The following POU6F2 variants were observed in gnomAD, a reference collection of about 807,000 sequenced individuals.
POU6F2 encodes the protein POU class 6 homeobox 2.
In POU6F2, 31 loss-of-function variants were observed where a neutral mutation model predicts 71.3. The observed-to-expected ratio is 0.43, with a 90% CI of 0.33 to 0.59. POU6F2 has a LOEUF of 0.59. Ranked by LOEUF, POU6F2 falls within the 20% of genes least tolerant of loss-of-function variation. The probability of loss-of-function intolerance (pLI) is 0.04; values close to 1 mark genes in which losing one functional copy is unlikely to be tolerated. For missense variants in POU6F2, 783 were observed against 856.8 expected (o/e 0.91, Z 1.07); for synonymous variants, 347 against 355.7 (o/e 0.98, Z 0.27).
At chr7:39,446,499 G>C (rs1788526932) in intron 7 of POU6F2, among the ~76,000 whole-genome samples, 1 of 152,146 alleles carries the variant, frequency 6.6e-6, no homozygotes, top group Non-Finnish European at 1.5e-5. Context: ...ATTTATTCCA[G>C]AAACTAAAAC....
intron 2 of POU6F2, among the ~76,000 whole-genome samples, chr7:39,108,795 G>A (rs1342076917): frequency 6.6e-6 from 1 of 152,162 alleles, no homozygotes; most frequent in Non-Finnish European, 1.5e-5. Flanking sequence ...AGAAGTTTGT[G>A]TATGGAGTAT....
intron 7 of POU6F2, among the ~76,000 whole-genome samples, chr7:39,444,415 C>T (rs1320660740): frequency 1.3e-5 from 2 of 152,202 alleles, no homozygotes; most frequent in Admixed American, 1.3e-4. Context: ...GAAACCCCGT[C>T]TCTACTAAAA....
At chr7:38,984,604 T>A (rs1220911342) in intron 1 of POU6F2, among the ~76,000 whole-genome samples, 1 of 152,154 alleles carries the variant, frequency 6.6e-6, no homozygotes, top group Non-Finnish European at 1.5e-5. Context: ...AAACAAAGTC[T>A]AAGAAAAGGC....
At chr7:39,293,288 G>T (rs938703111) in intron 4 of POU6F2, among the ~76,000 whole-genome samples, 3 of 152,092 alleles carry the variant, frequency 2.0e-5, no homozygotes, top group African/African-American at 7.2e-5. Context: ...GTGTTTCCGG[G>T]CTGTGTGTTC....
intron 2 of POU6F2, among the ~76,000 whole-genome samples, chr7:39,100,343 CATGTT>C (rs1397848542): frequency 5.9e-5 from 9 of 152,294 alleles, no homozygotes; most frequent in African/African-American, 2.2e-4. Context: ...TGGGAAGAAA[CATGTT>C]ATAACCTTTG....
At chr7:39,123,206 C>T (rs948021305) in intron 2 of POU6F2, among the ~76,000 whole-genome samples, 2 of 152,170 alleles carry the variant, frequency 1.3e-5, no homozygotes, top group African/African-American at 2.4e-5. Context: ...AATGAATTTT[C>T]GAGGCCATGG....
chr7:39,327,684 C>T (rs1436656759), intron 4 of POU6F2, among the ~76,000 whole-genome samples: 1 of 151,294 alleles, frequency 6.6e-6, no homozygotes, highest in African/African-American at 2.4e-5. Flanking sequence ...ATATATAAAT[C>T]ATATATATAT....
At position 39,441,297 on chromosome 7, in the gene POU6F2, T is replaced by C. The variant is rs77226580; in HGVS notation, c.1320+8014T>C. Among the ~76,000 whole-genome samples the C allele has an allele frequency of 6.4e-3, 968 of 151,990 alleles. 5 individuals carry two copies. The highest frequency in any genetic ancestry group is 0.022 in the African/African-American group (926 of 41,444). ...GGTTGAACTGAAGTAAACCATCTAC[T>C]GTGAGCAAACCATTTAGGAGTCTAT... On this transcript the variant is annotated intron_variant, in intron 7 of 9. Coordinates refer to ENST00000518318, the MANE Select transcript of POU6F2 (RefSeq NM_001370959.1).
intron 7 of POU6F2, among the ~76,000 whole-genome samples, chr7:39,438,480 T>C (rs10239968): frequency 0.34 from 51,219 of 152,062 alleles, 9,639 homozygotes; most frequent in East Asian, 0.58. Context: ...ATGGCTGGGC[T>C]GAAATGCAAA....
chr7:39,077,320 A>C (rs1233113444), intron 1 of POU6F2, among the ~76,000 whole-genome samples: 1 of 133,446 alleles, frequency 7.5e-6, no homozygotes, highest in African/African-American at 2.8e-5. Flanking sequence ...CTAGGGCCAA[A>C]GAAGCTTGTA....
chr7:39,036,875 A>G (rs201911162), intron 1 of POU6F2, among the ~76,000 whole-genome samples: 1 of 2,074 alleles, frequency 4.8e-4, no homozygotes, highest in Admixed American at 6.8e-3. Context: ...AGTACCTGTT[A>G]TTATTATTAT....
chr7:39,146,244 G>A (rs892124206), intron 2 of POU6F2, among the ~76,000 whole-genome samples: 1 of 152,174 alleles, frequency 6.6e-6, no homozygotes, highest in African/African-American at 2.4e-5. Flanking sequence ...TGGTAGTGGT[G>A]GGAGAATGTT....
At chr7:39,248,773 C>T (rs1267837218) in intron 4 of POU6F2, among the ~76,000 whole-genome samples, 1 of 152,182 alleles carries the variant, frequency 6.6e-6, no homozygotes, top group Non-Finnish European at 1.5e-5. Context: ...CTACTTGCCC[C>T]ATTGTCCCAG....
At chr7:39,248,128 G>T (rs925482911) in intron 4 of POU6F2, among the ~76,000 whole-genome samples, 5 of 152,106 alleles carry the variant, frequency 3.3e-5, no homozygotes, top group Non-Finnish European at 2.9e-5. Flanking sequence ...AAGCACAGTG[G>T]CATTACTACT....
At chr7:39,016,071 A>AT (rs1216078611) in intron 1 of POU6F2, among the ~76,000 whole-genome samples, 1 of 53,206 alleles carries the variant, frequency 1.9e-5, no homozygotes, top group African/African-American at 5.7e-5. Context: ...TATAATATAT[A>AT]GATATATATT....
In POU6F2 at chr7:39,467,749, A is replaced by G. The variant is rs748662697; in HGVS notation, c.*3063A>G. 9.2e-5 allele frequency: 14 copies of G among 152,362 alleles called. No individual in the cohort carries two copies. Among genetic ancestry groups the G allele is most frequent in the Non-Finnish European group, 1.9e-4 (13 of 68,042 alleles). 9.4% of individuals were successfully genotyped at this position (152,362 alleles called of 1,614,324 possible). On this transcript the variant is annotated 3_prime_UTR_variant, in exon 10 of 10. Coordinates refer to ENST00000518318, the MANE Select transcript of POU6F2 (RefSeq NM_001370959.1). ...ATACAACACAAAAGAGAGAACAAAA[A>G]AGCAAAAGGAGCTAGGAAAAAAACA...
intron 2 of POU6F2, among the ~76,000 whole-genome samples, chr7:39,097,431 C>T (rs2128722941): frequency 6.6e-6 from 1 of 152,268 alleles, no homozygotes; most frequent in East Asian, 1.9e-4. Flanking sequence ...TTCATCAACT[C>T]TCTGTTGTCT....
intron 4 of POU6F2, among the ~76,000 whole-genome samples, chr7:39,318,546 G>C (rs1275051803): frequency 6.6e-6 from 1 of 152,176 alleles, no homozygotes; most frequent in Admixed American, 6.5e-5. Context: ...GAGAAAAGGA[G>C]GAAAGGCACA....
intron 4 of POU6F2, among the ~76,000 whole-genome samples, chr7:39,219,698 A>G (rs111626034): frequency 6.6e-6 from 1 of 152,212 alleles, no homozygotes; most frequent in South Asian, 2.1e-4. Flanking sequence ...AACTGTGCTT[A>G]CCAAGTTTAT....
Sources: gnomAD v4.1 joint callset for allele counts (sites outside exome capture counted in the v4.1 genomes callset) on GRCh38, gnomAD v4.1.1 for gene constraint, MANE v1.5 for transcripts, NCBI Gene and HGNC (gene_info 2026-07-23, HGNC 2026-07-21) for gene names.